Variants in ZNF606 observed in about 807,000 individuals in gnomAD.
ZNF606 encodes zinc finger protein 328.
ZNF606 carries 37 observed loss-of-function variants against 74.9 expected under a neutral mutation model. That is an observed-to-expected ratio of 0.49 (90% CI 0.38 to 0.65). The LOEUF is 0.65. Ranked by LOEUF, ZNF606 falls within the 30% of genes least tolerant of loss-of-function variation. The pLI is 0.00. For missense variants in ZNF606, 852 were observed against 952.9 expected, an observed-to-expected ratio of 0.89 and a Z score of 1.39; for synonymous variants, 328 against 312.4, an observed-to-expected ratio of 1.05 and a Z score of -0.53.
intron 6 of ZNF606, among the ~76,000 whole-genome samples, chr19:57,980,602 G>A (rs1372597058): frequency 3.3e-5 from 5 of 152,086 alleles, no homozygotes; most frequent in Non-Finnish European, 5.9e-5. Flanking sequence ...TTGGGAGGCC[G>A]AGGCGGGCGG....
At chr19:57,992,537 G>A (rs1314889253) in intron 4 of ZNF606, among the ~76,000 whole-genome samples, 1 of 152,226 alleles carries the variant, frequency 6.6e-6, no homozygotes, top group Non-Finnish European at 1.5e-5. Flanking sequence ...CATGTGCAGT[G>A]TGTGGGCCTT....
intron 3 of ZNF606, 155 bp downstream of exon 3, chr19:58,000,526 TTC>T (rs1340603718): frequency 2.3e-5 from 19 of 839,930 alleles, no homozygotes; most frequent in Non-Finnish European, 3.7e-5. Flanking sequence ...GCCACTAGTT[TTC>T]TGATTCCTCC....
chr19:57,978,644 G>C lies in ZNF606; in HGVS notation c.2036C>G (p.Pro679Arg). The change falls in exon 7 of 7, where the codon CCC (proline) becomes CGC (arginine). Residue 679 changes from proline to arginine, a missense_variant. Pro to Arg is a moderately radical substitution (Grantham distance 103). Transcript: ENST00000551380. This position sits in a 1 kb window ranked among gnomAD's most constrained non-coding sequence, Gnocchi z 4.4. ...TCTTTCACACTGATTACATTTATAG[G>C]GTTTCTCACCAGTGTGAATTCTCCG... is the stretch of plus-strand genomic sequence containing the variant. ...AHRRIHTGEK[P>R]YKCNQCERSF... 6.2e-7 allele frequency: 1 copy of C among 1,613,914 alleles called. No individual in the cohort carries two copies.
intron 4 of ZNF606, among the ~76,000 whole-genome samples, chr19:57,990,233 C>A (rs988737330): frequency 2.8e-4 from 42 of 151,100 alleles, no homozygotes; most frequent in Non-Finnish European, 5.3e-4. Flanking sequence ...GGCGTGGTAG[C>A]AGGCACCTGT....
chr19:57,991,436 A>G (rs574860730), intron 4 of ZNF606, among the ~76,000 whole-genome samples: 2 of 152,148 alleles, frequency 1.3e-5, no homozygotes, highest in Non-Finnish European at 2.9e-5. Flanking sequence ...TTCCTCTTAC[A>G]GACTGCCCAG....
chr19:58,002,667 G>A lies in ZNF606; in HGVS notation c.-323C>T. 4.4e-6 allele frequency: 2 copies of A among 454,128 alleles called. No individual in the cohort carries two copies. The highest frequency in any genetic ancestry group is 2.0e-5 in the African/African-American group (1 of 49,926). The allele number at this position is 454,128 out of a possible 1,614,324, so 28.1% of individuals were successfully genotyped here. A position where few individuals can be genotyped will look rare whatever the true frequency, so the allele number is the denominator to read the frequency against. On this transcript the variant is annotated 5_prime_UTR_variant, in exon 1 of 7. Coordinates refer to ENST00000551380, the MANE Select transcript of ZNF606 (RefSeq NM_001348022.3). ...CGACGGCAACGACGGCGCAAAGCCG[G>A]CGCGGAAAGGGCAGGCGCAGGACCC...
Position 58,002,442 on chromosome 19 carries a change from G to C in ZNF606, c.-98C>G, listed in dbSNP as rs1274756127. On this transcript the variant is annotated 5_prime_UTR_variant, in exon 1 of 7. Coordinates refer to ENST00000551380, the MANE Select transcript of ZNF606 (RefSeq NM_001348022.3). ...CCCTTGAAGGCGGCGCAGCAGGATC[G>C]GGGTCTGCCCGCCTGGGGCGTTTGG... 2 of 455,564 alleles carry C rather than the reference G, an allele frequency of 4.4e-6. No individual in the cohort carries two copies. The highest frequency in any genetic ancestry group is 1.6e-5 in the South Asian group (1 of 64,462). 28.2% of individuals were successfully genotyped at this position (455,564 alleles called of 1,614,324 possible). A position where few individuals can be genotyped will look rare whatever the true frequency, so the allele number is the denominator to read the frequency against.
rs1270914421 is a variant in ZNF606 at position 58,002,769 on chromosome 19, A to T, written c.-425T>A. On this transcript the variant is annotated 5_prime_UTR_variant, in exon 1 of 7. Transcript: ENST00000551380. ...GCTACGGCGGCCCCACAGCCTGAGC[A>T]AAGGCCTCACCTCAGCCGCGGACAA... The T allele has an allele frequency of 2.2e-5, 10 of 454,320 alleles. No homozygotes were observed. In the East Asian group the frequency reaches 7.1e-4, roughly 32 times the overall value. The allele number at this position is 454,320 out of a possible 1,614,324, so 28.1% of individuals were successfully genotyped here. A position where few individuals can be genotyped will look rare whatever the true frequency, so the allele number is the denominator to read the frequency against.
At chr19:57,982,403 A>G (rs941213331) in intron 6 of ZNF606, among the ~76,000 whole-genome samples, 48 of 152,192 alleles carry the variant, frequency 3.2e-4, no homozygotes, top group African/African-American at 1.1e-3. Flanking sequence ...ATCTCCCCAC[A>G]GCAAGATCCT....
intron 1 of ZNF606, 130 bp downstream of exon 1, chr19:58,002,266 C>T (rs1276857869): frequency 2.2e-6 from 1 of 456,734 alleles, no homozygotes; most frequent in East Asian, 6.9e-5. Flanking sequence ...GGCTGGGGAA[C>T]GAACGGGGTT....
rs2073019884 is a variant in ZNF606, at chr19:57,978,293, G to A, written c.*8C>T. ...CAAATGTACAAGAAACGAAAAACTC[G>A]CATAAATTCAATTCAGTTTCTCTTC... On this transcript the variant is annotated 3_prime_UTR_variant, in exon 7 of 7. Coordinates refer to ENST00000551380, the MANE Select transcript of ZNF606 (RefSeq NM_001348022.3). The surrounding 1 kb of genome is among the most constrained non-coding windows in gnomAD (Gnocchi z 4.4). The A allele has an allele frequency of 7.8e-6, 12 of 1,543,604 alleles. No homozygotes were observed. Among genetic ancestry groups the A allele is most frequent in the Non-Finnish European group, 1.0e-5 (12 of 1,145,742 alleles).
chr19:58,000,556 A>G, intron 3 of ZNF606, 127 bp downstream of exon 3: 1 of 1,023,438 alleles, frequency 9.8e-7, no homozygotes, highest in Non-Finnish European at 1.5e-6. Context: ...AGCTCTGCAC[A>G]GAGACAGATC....
intron 6 of ZNF606, 49 bp downstream of exon 6, chr19:57,988,156 CAA>C: frequency 6.6e-7 from 1 of 1,509,600 alleles, no homozygotes; most frequent in Non-Finnish European, 9.1e-7. Context: ...CATTTCTCAA[CAA>C]AGAGGGCTTG....
chr19:57,995,950 A>G (rs1265625151), intron 4 of ZNF606, among the ~76,000 whole-genome samples: 1 of 152,270 alleles, frequency 6.6e-6, no homozygotes, highest in African/African-American at 2.4e-5. Context: ...GAGTAAAAGA[A>G]GAAAAACAAC....
Position 57,979,208 on chromosome 19 carries a change from T to C in ZNF606, c.1472A>G (p.Lys491Arg), listed in dbSNP as rs1203937320. The C allele has an allele frequency of 2.5e-6, 4 of 1,613,704 alleles. No individual in the cohort carries two copies. In the Admixed American group the frequency reaches 6.7e-5, roughly 27 times the overall value. ...EKPYVCNECG[K>R]SFNWNSHLIG... ...AAGATGAGAGTTCCAGTTGAAAGAT[T>C]TCCCACACTCATTACAAACATAAGG... Residue 491 changes from lysine (K) to arginine (R), a missense_variant, in exon 7 of 7, where the codon AAA (lysine) becomes AGA (arginine). By Grantham distance (26) the Lys-to-Arg change is conservative. Around this residue, in one of 3 missense-constraint regions of ZNF606, gnomAD observed 243 missense variants for 359.2 expected, o/e 0.68. Coordinates refer to ENST00000551380, the MANE Select transcript of ZNF606 (RefSeq NM_001348022.3).
chr19:58,000,504 T>C lies in ZNF606; in HGVS notation c.88+179A>G. On this transcript the variant is annotated intron_variant, in intron 3 of 6. Coordinates refer to ENST00000551380, the MANE Select transcript of ZNF606 (RefSeq NM_001348022.3). ...CCTCCCAAAGTGCTGTAGGCGTGAG[T>C]CACCACGCCTGGCCACTAGTTTTCT... The C allele has an allele frequency of 2.8e-6, 2 of 716,414 alleles. 1 individual carries two copies. The highest frequency in any genetic ancestry group is 5.0e-6 in the Non-Finnish European group (2 of 403,744). The allele number at this position is 716,414 out of a possible 1,614,324, so 44.4% of individuals were successfully genotyped here. A position where few individuals can be genotyped will look rare whatever the true frequency, so the allele number is the denominator to read the frequency against.
intron 6 of ZNF606, among the ~76,000 whole-genome samples, chr19:57,985,315 C>G (rs553267411): frequency 6.6e-6 from 1 of 152,150 alleles, no homozygotes; most frequent in Non-Finnish European, 1.5e-5. Flanking sequence ...CAGAACAAAG[C>G]TGGAGCTTTT....
chr19:57,991,967 T>C (rs2073268369), intron 4 of ZNF606, among the ~76,000 whole-genome samples: 1 of 152,084 alleles, frequency 6.6e-6, no homozygotes, highest in African/African-American at 2.4e-5. Flanking sequence ...GGGTGGCACC[T>C]TCTTAGATGG....
Position 57,978,140 on chromosome 19 carries a change from C to G in ZNF606, c.*161G>C. ...TAACTGCTGAAAGCTTTTCCCTATT[C>G]TTTTCCTTCATGGGGTTTCTTCTAA... is the stretch of plus-strand genomic sequence containing the variant. On this transcript the variant is annotated 3_prime_UTR_variant, in exon 7 of 7. Transcript: ENST00000551380. This position sits in a 1 kb window ranked among gnomAD's most constrained non-coding sequence, Gnocchi z 4.4. 1.4e-6 allele frequency: 1 copy of G among 696,768 alleles called. No homozygotes were observed. The highest frequency in any genetic ancestry group is 4.4e-4 in the Middle Eastern group (1 of 2,284). The allele number at this position is 696,768 out of a possible 1,614,324, so 43.2% of individuals were successfully genotyped here. A position where few individuals can be genotyped will look rare whatever the true frequency, so the allele number is the denominator to read the frequency against.
Sources: allele counts gnomAD v4.1 joint callset (sites outside exome capture counted in the v4.1 genomes callset), GRCh38; gene constraint gnomAD v4.1.1; regional missense constraint gnomAD v4.1.1; non-coding constraint Gnocchi (gnomAD v3.1); transcripts MANE v1.5; gene names NCBI Gene and HGNC (gene_info 2026-07-23, HGNC 2026-07-21).